Variants in RPH3AL observed in about 807,000 individuals in gnomAD.
RPH3AL encodes rabphilin 3A like (without C2 domains).
A neutral mutation model predicts 43.1 loss-of-function variants in RPH3AL; 38 were observed. That is an observed-to-expected ratio of 0.88 (90% confidence interval 0.68 to 1.15). The LOEUF is 1.15. Among genes scored for constraint, RPH3AL ranks in the 50% most tolerant of loss-of-function variants. RPH3AL has a pLI of 0.00. For synonymous variants in RPH3AL, 189 were observed against 176.3 expected (o/e 1.07, Z -0.57); for missense variants, 462 against 423.2 (o/e 1.09, Z -0.81).
At chr17:239,767 C>T (rs2041484427) in intron 7 of RPH3AL, among the ~76,000 whole-genome samples, 1 of 152,158 alleles carries the variant, frequency 6.6e-6, no homozygotes, top group South Asian at 2.1e-4. Flanking sequence ...GCTGGGACTA[C>T]AGCTATGTGC....
intron 5 of RPH3AL, among the ~76,000 whole-genome samples, chr17:292,195 C>A (rs1163928719): frequency 6.6e-6 from 1 of 152,210 alleles, no homozygotes; most frequent in African/African-American, 2.4e-5. Context: ...ACCGGCCCCT[C>A]CGATCATAAG....
At chr17:224,402 C>T (rs2041060835) in intron 7 of RPH3AL, among the ~76,000 whole-genome samples, 1 of 152,238 alleles carries the variant, frequency 6.6e-6, no homozygotes, top group Non-Finnish European at 1.5e-5. Context: ...ACTGGCTTGC[C>T]CCTGCCCAGA....
chr17:268,942 G>C (rs1044940837), intron 6 of RPH3AL, among the ~76,000 whole-genome samples: 2 of 151,324 alleles, frequency 1.3e-5, no homozygotes, highest in South Asian at 4.2e-4. Flanking sequence ...GCAGTGCCGC[G>C]ATCTCGGCTC....
At position 228,830 on chromosome 17, in the gene RPH3AL, G is replaced by A. The variant is rs148932794; in HGVS notation, c.614-9094C>T. ...CTCGGTCTCCCCACCATGCTCTTCT[G>A]TGCCCTCTCTGGACCCTTTTTCTGT... On this transcript the variant is annotated intron_variant, in intron 7 of 9. Transcript: ENST00000331302. 8.1e-3 allele frequency among the ~76,000 whole-genome samples: 1,236 copies of A among 152,152 alleles called. 14 individuals carry two copies. Among genetic ancestry groups the A allele is most frequent in the African/African-American group, 0.027 (1,138 of 41,520 alleles).
At chr17:273,470 G>A (rs865944311) in intron 6 of RPH3AL, among the ~76,000 whole-genome samples, 2 of 60,482 alleles carry the variant, frequency 3.3e-5, no homozygotes, top group African/African-American at 8.4e-5. Context: ...CGACGTCAGG[G>A]AGAGACCCCA....
At chr17:265,899 G>A (rs1214739731) in intron 6 of RPH3AL, among the ~76,000 whole-genome samples, 2 of 152,232 alleles carry the variant, frequency 1.3e-5, no homozygotes, top group African/African-American at 4.8e-5. Context: ...TTCTGGGAGG[G>A]TTCTGCTGAC....
At chr17:332,116 AG>A in intron 2 of RPH3AL, 1 of 353,744 alleles carries the variant, frequency 2.8e-6, no homozygotes, top group Non-Finnish European at 5.6e-6. Flanking sequence ...TTTTGTGGAC[AG>A]GGCTGGTGGA....
chr17:336,834 G>A (rs1256353361), intron 1 of RPH3AL, among the ~76,000 whole-genome samples: 3 of 152,068 alleles, frequency 2.0e-5, no homozygotes, highest in East Asian at 3.9e-4. Context: ...CCTTGTCTCC[G>A]GCACCCTCTC....
chr17:309,170 CTG>C (rs1245296822), intron 5 of RPH3AL, among the ~76,000 whole-genome samples: 1 of 152,178 alleles, frequency 6.6e-6, no homozygotes, highest in African/African-American at 2.4e-5. Flanking sequence ...TGGTGCATGA[CTG>C]TGGTCCTAGC....
At chr17:240,623 A>T (rs2041506579) in intron 7 of RPH3AL, among the ~76,000 whole-genome samples, 1 of 152,222 alleles carries the variant, frequency 6.6e-6, no homozygotes, top group South Asian at 2.1e-4. Flanking sequence ...AGCGTGGATC[A>T]GCACTTTCTT....
chr17:231,560 G>C (rs1471637358), intron 7 of RPH3AL, among the ~76,000 whole-genome samples: 1 of 152,232 alleles, frequency 6.6e-6, no homozygotes, highest in Admixed American at 6.5e-5. Context: ...ATCAGATGGG[G>C]CAGAGAGGCC....
chr17:224,256 C>A (rs147783073), intron 7 of RPH3AL, among the ~76,000 whole-genome samples: 165 of 143,668 alleles, frequency 1.1e-3, no homozygotes, highest in African/African-American at 3.6e-3. Flanking sequence ...TTTAAAGGTT[C>A]CCCATGCCCC....
intron 6 of RPH3AL, among the ~76,000 whole-genome samples, chr17:271,717 G>A (rs991139376): frequency 1.3e-5 from 2 of 152,160 alleles, no homozygotes; most frequent in African/African-American, 2.4e-5. Context: ...TCTGCAAATA[G>A]GGACAATTTG....
At chr17:261,957 G>T (rs1371568747) in intron 6 of RPH3AL, 2 of 152,130 alleles carry the variant, frequency 1.3e-5, no homozygotes, top group Non-Finnish European at 2.9e-5. Flanking sequence ...TAAAAAAGCT[G>T]CATAAAAGAG....
intron 6 of RPH3AL, among the ~76,000 whole-genome samples, chr17:255,486 T>G (rs1431804879): frequency 2.8e-4 from 1 of 3,620 alleles, no homozygotes; most frequent in African/African-American, 6.9e-3. Flanking sequence ...CCTAGGAATG[T>G]GACTACCCAA....
intron 6 of RPH3AL, among the ~76,000 whole-genome samples, chr17:273,020 G>GAAA (rs1275635051): frequency 1.3e-4 from 15 of 119,060 alleles, no homozygotes; most frequent in African/African-American, 3.6e-4. Flanking sequence ...GGCGACATCA[G>GAAA]GAAGAGACCC....
At chr17:312,789 C>T (rs529799542) in intron 5 of RPH3AL, among the ~76,000 whole-genome samples, 2 of 152,182 alleles carry the variant, frequency 1.3e-5, no homozygotes, top group Admixed American at 6.5e-5. Context: ...GTGACTTGTA[C>T]GAGACCGCGC....
At chr17:250,492 C>T (rs1455160865) in intron 6 of RPH3AL, among the ~76,000 whole-genome samples, 3 of 150,222 alleles carry the variant, frequency 2.0e-5, no homozygotes, top group African/African-American at 7.4e-5. Flanking sequence ...CCTCTCGGGG[C>T]CTTTACCAAG....
At chr17:236,857 G>A (rs772449201) in intron 7 of RPH3AL, among the ~76,000 whole-genome samples, 6 of 152,272 alleles carry the variant, frequency 3.9e-5, no homozygotes, top group African/African-American at 7.2e-5. Context: ...CTTCCGCCAC[G>A]GGCGGGGCAT....
Sources: allele counts gnomAD v4.1 joint callset (sites outside exome capture counted in the v4.1 genomes callset), GRCh38; gene constraint gnomAD v4.1.1; transcripts MANE v1.5; gene names NCBI Gene and HGNC (gene_info 2026-07-23, HGNC 2026-07-21).